The following KCNH2 variants were observed in gnomAD, a reference collection of about 807,000 sequenced individuals.
KCNH2 encodes the protein potassium voltage-gated channel subfamily H member 2.
A neutral mutation model predicts 95.9 loss-of-function variants in KCNH2; 35 were observed. The observed-to-expected ratio is 0.37, with a 90% CI of 0.28 to 0.48. The LOEUF (loss-of-function observed/expected upper bound fraction) is 0.48, where lower values mean the gene tolerates loss of function less well. Among genes scored for constraint, KCNH2 ranks in the 20% least tolerant of loss-of-function variants. KCNH2 has a pLI of 0.99. For synonymous variants in KCNH2, 786 were observed against 754.7 expected (o/e 1.04, Z -0.68); for missense variants, 1,274 against 1,702.9 (o/e 0.75, Z 4.43).
chr7:150,954,428 G>A (rs1801296400), intron 5 of KCNH2, among the ~76,000 whole-genome samples: 1 of 152,204 alleles, frequency 6.6e-6, no homozygotes, highest in African/African-American at 2.4e-5. Context: ...CCCTGAGTCT[G>A]CACACAGCAT....
At chr7:150,951,163 C>A in intron 7 of KCNH2, 43 bp from the exon 8 acceptor site, 2 of 1,509,250 alleles carry the variant, frequency 1.3e-6, no homozygotes, top group Admixed American at 1.7e-5. Flanking sequence ...CTGCAGGGAC[C>A]CCACCCACCC....
intron 7 of KCNH2, 48 bp downstream of exon 7, chr7:150,951,400 T>C: frequency 6.2e-7 from 1 of 1,609,744 alleles, no homozygotes; most frequent in Non-Finnish European, 8.5e-7. Flanking sequence ...CCAACTTGGG[T>C]TCCTCCACCG....
In KCNH2 at chr7:150,958,266, G is replaced by C; in HGVS notation, c.709C>G (p.Pro237Ala). Residue 237 changes from proline to alanine, a missense_variant, in exon 4 of 15, where the codon CCC (proline) becomes GCC (alanine). Transcript: ENST00000262186. The part of the protein sequence containing the change: ...PAEERRALVG[P>A]GSPPRSAPGQ... ...GGCGCGCTGCGGGGCGGAGAGCCGGGACCCACCAGCGCACGCCGCTCCTCC... is the reference window on the plus strand; with the variant it reads ...GGCGCGCTGCGGGGCGGAGAGCCGGCACCCACCAGCGCACGCCGCTCCTCC... 2 of 1,446,972 alleles carry C rather than the reference G, an allele frequency of 1.4e-6. No homozygotes were observed. Among genetic ancestry groups the C allele is most frequent in the Non-Finnish European group, 1.8e-6 (2 of 1,103,264 alleles). 89.6% of individuals were successfully genotyped at this position (1,446,972 alleles called of 1,614,324 possible). A position where few individuals can be genotyped will look rare whatever the true frequency, so the allele number is the denominator to read the frequency against.
chr7:150,957,653 G>A (rs1334281917), intron 4 of KCNH2, 151 bp from the exon 5 acceptor site: 18 of 701,664 alleles, frequency 2.6e-5, no homozygotes, highest in Non-Finnish European at 4.3e-5. Flanking sequence ...AAACAAGAGA[G>A]GTCAGACCCC....
rs138776684 is a variant in KCNH2, at chr7:150,957,380, G to A, written c.1039C>T (p.Pro347Ser). Residue 347 changes from proline to serine, a missense_variant, in exon 5 of 15, where the codon CCC (proline) becomes TCC (serine). Transcript: ENST00000262186. ...TCACTGGTGGGCGAAGCCAAGAAGG[G>A]GTCGCCCTTGAGGTCCACAAAGTTG... Reference protein sequence around the residue: ...TLNFVDLKGDPFLASPTSDRE... With the variant: ...TLNFVDLKGDSFLASPTSDRE... 1.1e-3 allele frequency: 1,756 copies of A among 1,614,000 alleles called. 8 individuals are homozygous for A. The highest frequency in any genetic ancestry group is 2.8e-3 in the South Asian group (252 of 91,048).
rs1801948007 is a variant in KCNH2, at chr7:150,975,086, G to A, written c.77-145C>T. On this transcript the variant is annotated intron_variant, in intron 1 of 14. Transcript: ENST00000262186. ...GCTGGGACTGGGGTCCCAGCAGGGG[G>A]CGAACGCAGCTGTGCGTGTGCCCCG... 8 of 699,176 alleles carry A rather than the reference G, an allele frequency of 1.1e-5. 1 individual carries two copies. The South Asian group carries it at 1.5e-4, about 13-fold the overall frequency. The allele number at this position is 699,176 out of a possible 1,614,324, so 43.3% of individuals were successfully genotyped here.
Position 150,948,988 on chromosome 7 carries a change from C to G in KCNH2, c.2460G>C (p.Gly820=). 6.2e-7 allele frequency: 1 copy of G among 1,613,992 alleles called. No homozygotes were observed. The highest frequency in any genetic ancestry group is 8.5e-7 in the Non-Finnish European group (1 of 1,179,990). ...NLYARPGKSN[G]DVRALTYCDL... ...CACAGTAGGTGAGGGCCCGCACATC[C>G]CCGTTCGACTTGCCAGGCCTTGCAT... Residue 820 remains glycine, a synonymous_variant, in exon 10 of 15, where the codon GGG becomes GGC. Transcript: ENST00000262186.
chr7:150,949,360 A>G, intron 9 of KCNH2: 1 of 1,254,802 alleles, frequency 8.0e-7, no homozygotes, highest in Non-Finnish European at 1.0e-6. Context: ...CTTATAAGCA[A>G]TGTTCTTCAA....
intron 2 of KCNH2, 86 bp downstream of exon 2, chr7:150,974,625 A>AC: frequency 5.6e-6 from 1 of 177,812 alleles, no homozygotes; most frequent in Non-Finnish European, 9.9e-6. Context: ...CCACACCCCC[A>AC]CACCCCCACG....
At chr7:150,960,583 C>T (rs939000069) in intron 2 of KCNH2, among the ~76,000 whole-genome samples, 4 of 152,216 alleles carry the variant, frequency 2.6e-5, no homozygotes, top group African/African-American at 7.2e-5. Flanking sequence ...TTTGGCATCA[C>T]CACAAAATCC....
chr7:150,970,451 G>C (rs1199402358), intron 2 of KCNH2, among the ~76,000 whole-genome samples: 1 of 152,206 alleles, frequency 6.6e-6, no homozygotes, highest in Non-Finnish European at 1.5e-5. Context: ...CCCCAGGGTG[G>C]GTCAAGGAGT....
chr7:150,952,293 C>T lies in KCNH2; in HGVS notation c.1557+132G>A. The T allele has an allele frequency of 1.2e-6, 1 of 838,668 alleles. No homozygotes were observed. Among genetic ancestry groups the T allele is most frequent in the East Asian group, 4.3e-5 (1 of 23,434 alleles). 52.0% of individuals were successfully genotyped at this position (838,668 alleles called of 1,614,324 possible). The stretch of plus-strand genomic sequence containing the variant: ...GCTGCCTTGCCACCATGTCTCTCTC[C>T]CACTGTCTTTCTCTCTTTCTCTCTC... On this transcript the variant is annotated intron_variant, in intron 6 of 14. Transcript: ENST00000262186. The surrounding 1 kb of genome is among the most constrained non-coding windows in gnomAD (Gnocchi z 7.3).
In KCNH2 at chr7:150,950,229, C is replaced by A. The variant is rs1801086098; in HGVS notation, c.2337G>T (p.Leu779=). The change falls in exon 9 of 15, where the codon CTG becomes CTT. Residue 779 remains leucine, a synonymous_variant. Coordinates refer to ENST00000262186, the MANE Select transcript of KCNH2 (RefSeq NM_000238.4). ...LVHAGDLLTA[L]YFISRGSIEI... Reference sequence around the variant, plus strand: ...CGATGGAGCCCCGGGAGATGAAGTACAGGGCGGTGAGCAGGTCCCCAGCAT... The same window carrying A: ...CGATGGAGCCCCGGGAGATGAAGTAAAGGGCGGTGAGCAGGTCCCCAGCAT... 1 of 1,611,428 alleles carries A rather than the reference C, an allele frequency of 6.2e-7. No individual in the cohort carries two copies. Among genetic ancestry groups the A allele is most frequent in the Non-Finnish European group, 8.5e-7 (1 of 1,178,688 alleles).
Position 150,952,229 on chromosome 7 carries a change from G to A in KCNH2, c.1557+196C>T, listed in dbSNP as rs1801200261. 6.6e-6 allele frequency among the ~76,000 whole-genome samples: 1 copy of A among 152,230 alleles called. No homozygotes were observed. The highest frequency in any genetic ancestry group is 6.5e-5 in the Admixed American group (1 of 15,288). ...CTGCGAGGAGCTTGTGTGGAGAGAA[G>A]GAGCATAGGTTTGCTGGGGTACCCA... On this transcript the variant is annotated intron_variant, in intron 6 of 14. Transcript: ENST00000262186. The surrounding 1 kb of genome is among the most constrained non-coding windows in gnomAD (Gnocchi z 7.3).
In KCNH2 at chr7:150,947,379, G is replaced by A; in HGVS notation, c.3101C>T (p.Pro1034Leu). The stretch of plus-strand genomic sequence containing the variant: ...CAGCCTGCTCTCCACGTCGCCCCGG[G>A]GCCGCCGACCCGGGCTGGAGAGGGG... ...NIPLSSPGRR[P>L]RGDVESRLDA... The change falls in exon 13 of 15, where the codon CCC (proline) becomes CTC (leucine). Residue 1034 changes from proline to leucine, a missense_variant. Pro to Leu is a moderately conservative substitution (Grantham distance 98, BLOSUM62 -3). Transcript: ENST00000262186. 6.5e-7 allele frequency: 1 copy of A among 1,548,644 alleles called. No homozygotes were observed. The highest frequency in any genetic ancestry group is 8.7e-7 in the Non-Finnish European group (1 of 1,147,168).
chr7:150,959,730 C>A lies in KCNH2; in HGVS notation c.314G>T (p.Cys105Phe). The A allele has an allele frequency of 6.2e-7, 1 of 1,614,184 alleles. No individual in the cohort carries two copies. The highest frequency in any genetic ancestry group is 8.5e-7 in the Non-Finnish European group (1 of 1,180,016). Residue 105 changes from cysteine to phenylalanine, a missense_variant, in exon 3 of 15, where the codon TGC becomes TTC. Around this residue, in one of 7 missense-constraint regions of KCNH2, gnomAD observed 85 missense variants for 174.7 expected, o/e 0.49. Coordinates refer to ENST00000262186, the MANE Select transcript of KCNH2 (RefSeq NM_000238.4). ...EIAFYRKDGS[C>F]FLCLVDVVPV... ...CACCACATCCACCAGACATAGGAAG[C>A]AGCTCCCTGCAGAGTGGGAGGACAT...
chr7:150,953,904 CA>C (rs1186687721), intron 5 of KCNH2, among the ~76,000 whole-genome samples: 1 of 152,232 alleles, frequency 6.6e-6, no homozygotes, highest in East Asian at 1.9e-4. Context: ...CAGGCCCCCA[CA>C]CCCTCAGGCT....
In KCNH2 at chr7:150,958,508, G is replaced by A. The variant is rs751673669; in HGVS notation, c.473-6C>T. ...GCGGAAGGTCTTGGCGCGGCCTGCG[G>A]GAGAGGAGAGGCACGTGGTCGTGGG... On this transcript the variant is annotated splice_polypyrimidine_tract_variant and splice_region_variant and intron_variant, in intron 3 of 14. Transcript: ENST00000262186. The A allele has an allele frequency of 3.8e-5, 56 of 1,475,466 alleles. 1 individual carries two copies. Among genetic ancestry groups the A allele is most frequent in the Middle Eastern group, 4.3e-4 (2 of 4,642 alleles). The allele number at this position is 1,475,466 out of a possible 1,614,324, so 91.4% of individuals were successfully genotyped here.
At chr7:150,976,931 C>T (rs1376106511) in intron 1 of KCNH2, among the ~76,000 whole-genome samples, 6 of 152,128 alleles carry the variant, frequency 3.9e-5, no homozygotes, top group Admixed American at 6.5e-5. Context: ...ACGCGTTGTC[C>T]TGTGCTCACA....
Sources: allele counts gnomAD v4.1 joint callset (sites outside exome capture counted in the v4.1 genomes callset), GRCh38; gene constraint gnomAD v4.1.1; regional missense constraint gnomAD v4.1.1; non-coding constraint Gnocchi (gnomAD v3.1); transcripts MANE v1.5; gene names NCBI Gene and HGNC (gene_info 2026-07-23, HGNC 2026-07-21).